The following COBLL1 variants were observed in gnomAD, a reference collection of about 807,000 sequenced individuals.
COBLL1 encodes cordon-bleu WH2 repeat protein like 1, also known as cordon-bleu protein-like 1.
COBLL1 carries 50 observed loss-of-function variants against 94.8 expected under a neutral mutation model. The observed-to-expected ratio is 0.53, with a 90% CI of 0.42 to 0.67. The LOEUF is 0.67. Ranked by LOEUF, COBLL1 falls within the 30% of genes least tolerant of loss-of-function variation. The pLI is 0.00. For synonymous variants in COBLL1, 448 were observed against 473.8 expected, an observed-to-expected ratio of 0.95 and a Z score of 0.71; for missense variants, 1,362 against 1,348.7, an observed-to-expected ratio of 1.01 and a Z score of -0.15.
chr2:164,700,753 C>T lies in COBLL1; in HGVS notation c.1229G>A (p.Gly410Glu), dbSNP rs760401338. 2.5e-6 allele frequency: 4 copies of T among 1,572,976 alleles called. No individual in the cohort carries two copies. In the East Asian group the frequency reaches 6.7e-5, roughly 26 times the overall value. ...TTCAAGGCTATAATCAGAGCTTATT[C>T]CAGCTACAAAGAAATGCAGATATAA... ...NSPEELSSPA[G>E]ISSDYSLEEI... The change falls in exon 10 of 14, where the codon GGA (glycine) becomes GAA (glutamate). Residue 410 changes from glycine to glutamate, a missense_variant. Physicochemically the swap from Gly to Glu is moderately conservative, Grantham distance 98 (BLOSUM62 -2). Coordinates refer to ENST00000652658, the MANE Select transcript of COBLL1 (RefSeq NM_001365672.2).
Position 164,692,297 on chromosome 2 carries a change from C to G in COBLL1, c.3224G>C (p.Ser1075Thr), listed in dbSNP as rs545559731. 3 of 1,613,606 alleles carry G rather than the reference C, an allele frequency of 1.9e-6. No homozygotes were observed. Among genetic ancestry groups the G allele is most frequent in the East Asian group, 4.5e-5 (2 of 44,860 alleles). Reference sequence around the variant, plus strand: ...CTGTCGCATCTGTTCTGGGTCAGAGCTTTGGAATGTTAAAGAACTTTGTCT... The same window carrying G: ...CTGTCGCATCTGTTCTGGGTCAGAGGTTTGGAATGTTAAAGAACTTTGTCT... ...VMRQSSLTFQ[S>T]SDPEQMRQSL... Residue 1075 changes from serine to threonine, a missense_variant, in exon 13 of 14, where the codon AGC (serine) becomes ACC (threonine). Ser to Thr is a moderately conservative substitution (Grantham distance 58). Transcript: ENST00000652658.
intron 9 of COBLL1, chr2:164,703,575 G>A (rs751534411): frequency 1.4e-5 from 6 of 417,896 alleles, no homozygotes; most frequent in Non-Finnish European, 2.4e-5. Context: ...TAAAATCACA[G>A]AGGAGTGAAG....
intron 2 of COBLL1, among the ~76,000 whole-genome samples, chr2:164,772,798 G>C (rs776658688): frequency 2.0e-4 from 30 of 152,168 alleles, no homozygotes; most frequent in South Asian, 1.0e-3. Flanking sequence ...TTTAAGGGAT[G>C]AAGTTAACGC....
chr2:164,805,564 T>C (rs538649181), intron 2 of COBLL1, among the ~76,000 whole-genome samples: 1 of 151,516 alleles, frequency 6.6e-6, no homozygotes, highest in South Asian at 2.1e-4. Flanking sequence ...TAGTTTATGT[T>C]ATATAGTTGG....
At chr2:164,722,639 A>T in intron 5 of COBLL1, 117 bp from the exon 6 acceptor site, 1 of 542,192 alleles carries the variant, frequency 1.8e-6, no homozygotes. Context: ...TACTAATTAT[A>T]GTCTACAAAG....
At chr2:164,698,087 T>G (rs1684047320) in intron 11 of COBLL1, 1 of 152,034 alleles carries the variant, frequency 6.6e-6, no homozygotes, top group Non-Finnish European at 1.5e-5. Flanking sequence ...ATCAAAGTAC[T>G]ACGTAAATGT....
intron 2 of COBLL1, among the ~76,000 whole-genome samples, chr2:164,756,632 CTGT>C (rs1687421248): frequency 6.6e-6 from 1 of 152,060 alleles, no homozygotes; most frequent in African/African-American, 2.4e-5. Flanking sequence ...TTGGCCTTCA[CTGT>C]TTTTGGTGGG....
At chr2:164,691,560 C>G (rs1683593209) in intron 13 of COBLL1, among the ~76,000 whole-genome samples, 1 of 152,090 alleles carries the variant, frequency 6.6e-6, no homozygotes, top group Non-Finnish European at 1.5e-5. Context: ...AAAGCTTCAC[C>G]ACATCTTCTT....
chr2:164,783,344 T>C (rs1574579916), intron 2 of COBLL1, among the ~76,000 whole-genome samples: 1 of 151,962 alleles, frequency 6.6e-6, no homozygotes, highest in African/African-American at 2.4e-5. Context: ...GCCTGGGAGG[T>C]CAAAGCTGCA....
At chr2:164,825,537 TTTC>T (rs1321910587) in intron 2 of COBLL1, among the ~76,000 whole-genome samples, 3 of 152,212 alleles carry the variant, frequency 2.0e-5, no homozygotes, top group Non-Finnish European at 2.9e-5. Context: ...ACAAAATCAC[TTTC>T]TTCTTACATC....
At chr2:164,838,394 T>G (rs999066455) in intron 2 of COBLL1, among the ~76,000 whole-genome samples, 9 of 152,240 alleles carry the variant, frequency 5.9e-5, no homozygotes, top group Non-Finnish European at 1.3e-4. Context: ...TGGGCTAATT[T>G]ATCATAGAAT....
At chr2:164,686,156 C>A in intron 13 of COBLL1, 124 bp from the exon 14 acceptor site, 7 of 491,162 alleles carry the variant, frequency 1.4e-5, no homozygotes, top group East Asian at 3.4e-5. Context: ...ATCTATTATT[C>A]AATAAATTAT....
At chr2:164,765,380 A>T (rs1220512885) in intron 2 of COBLL1, among the ~76,000 whole-genome samples, 3 of 152,238 alleles carry the variant, frequency 2.0e-5, no homozygotes, top group Admixed American at 6.5e-5. Flanking sequence ...TTAACTAACG[A>T]ATCAAAATGT....
Position 164,685,989 on chromosome 2 carries a change from C to G in COBLL1, c.3344G>C (p.Arg1115Thr). The G allele has an allele frequency of 1.9e-6, 3 of 1,609,506 alleles. No individual in the cohort carries two copies. The highest frequency in any genetic ancestry group is 2.2e-5 in the South Asian group (2 of 90,800). ...ATCAGGGGACATGGAATGGCTGAGT[C>G]TTGACCTTCCATTCACAGATATTGT... is the stretch of plus-strand genomic sequence containing the variant. ...SNTISVNGRSRLSHSMSPDAQ... is the reference protein window; with the variant it reads ...SNTISVNGRSTLSHSMSPDAQ... The change falls in exon 14 of 14, where the codon AGA (arginine) becomes ACA (threonine). Residue 1115 changes from arginine to threonine, a missense_variant. By Grantham distance (71) the Arg-to-Thr change is moderately conservative (BLOSUM62 -1). Transcript: ENST00000652658.
intron 2 of COBLL1, among the ~76,000 whole-genome samples, chr2:164,825,439 G>GA (rs373412037): frequency 4.0e-5 from 6 of 151,632 alleles, no homozygotes; most frequent in African/African-American, 4.8e-5. Flanking sequence ...GTTTACTTAG[G>GA]AAAAAAAATA....
chr2:164,684,952 A>C lies in COBLL1; in HGVS notation c.*994T>G, dbSNP rs1317670240. The C allele has an allele frequency of 6.6e-6, 1 of 152,212 alleles. No homozygotes were observed. The highest frequency in any genetic ancestry group is 2.4e-5 in the African/African-American group (1 of 41,464). The allele number at this position is 152,212 out of a possible 1,614,324, so 9.4% of individuals were successfully genotyped here. A position where few individuals can be genotyped will look rare whatever the true frequency, so the allele number is the denominator to read the frequency against. The stretch of plus-strand genomic sequence containing the variant: ...GACTCCGGAAGAGCTGTAAGCCGAC[A>C]AATGGGCATTGTTTTGCTTAACAGT... On this transcript the variant is annotated 3_prime_UTR_variant, in exon 14 of 14. Transcript: ENST00000652658.
chr2:164,754,405 G>T (rs765545868), intron 2 of COBLL1, among the ~76,000 whole-genome samples: 25 of 152,160 alleles, frequency 1.6e-4, no homozygotes, highest in Non-Finnish European at 8.8e-5. Flanking sequence ...GTTACGAAAA[G>T]ACCATGGTGT....
At chr2:164,816,811 C>T (rs1012198333) in intron 2 of COBLL1, among the ~76,000 whole-genome samples, 1 of 152,104 alleles carries the variant, frequency 6.6e-6, no homozygotes, top group African/African-American at 2.4e-5. Context: ...AAACAGATAT[C>T]ATCTGGTGGA....
intron 2 of COBLL1, among the ~76,000 whole-genome samples, chr2:164,755,338 C>A (rs1465814084): frequency 6.6e-6 from 1 of 152,134 alleles, no homozygotes. Context: ...CCTTATCCAC[C>A]AGAAAAATTT....
Sources: gnomAD v4.1 joint callset for allele counts (sites outside exome capture counted in the v4.1 genomes callset) on GRCh38, gnomAD v4.1.1 for gene constraint, MANE v1.5 for transcripts, NCBI Gene and HGNC (gene_info 2026-07-23, HGNC 2026-07-21) for gene names.